DAB1: variants seen among roughly 807,000 people sequenced by gnomAD.
DAB1 encodes disabled homolog 1.
Under a neutral mutation model 64.6 loss-of-function variants are expected in DAB1, and 15 were observed. The observed-to-expected ratio is 0.23, with a 90% CI of 0.16 to 0.36. The LOEUF is 0.36. DAB1 is among the 10% of genes least tolerant of loss of function. DAB1 has a pLI of 1.00. For synonymous variants in DAB1, 235 were observed against 251.9 expected (o/e 0.93, Z 0.64); for missense variants, 596 against 706.7 (o/e 0.84, Z 1.78).
intron 5 of DAB1, among the ~76,000 whole-genome samples, chr1:57,951,930 A>T (rs1163565636): frequency 6.6e-6 from 1 of 152,194 alleles, no homozygotes; most frequent in Non-Finnish European, 1.5e-5. Flanking sequence ...TTAAACTGGT[A>T]TTTGAAAGAT....
intron 6 of DAB1, among the ~76,000 whole-genome samples, chr1:57,731,088 A>T (rs1647392916): frequency 6.6e-6 from 1 of 152,250 alleles, no homozygotes; most frequent in Non-Finnish European, 1.5e-5. Flanking sequence ...GAGATAGATG[A>T]ATGGATAAAC....
chr1:57,814,361 C>A (rs187823244), intron 6 of DAB1, among the ~76,000 whole-genome samples: 1 of 152,274 alleles, frequency 6.6e-6, no homozygotes, highest in Admixed American at 6.5e-5. Context: ...AGGAAAACAG[C>A]AGCAGCAGGG....
intron 9 of DAB1, among the ~76,000 whole-genome samples, chr1:57,059,377 G>A (rs558327069): frequency 3.3e-5 from 5 of 152,168 alleles, no homozygotes; most frequent in Non-Finnish European, 5.9e-5. Context: ...AAACCAGGTG[G>A]AACCTAGAGT....
Position 57,274,021 on chromosome 1 carries a change from TG to T in DAB1, c.67+16942del, listed in dbSNP as rs1174357705. 2.0e-5 allele frequency among the ~76,000 whole-genome samples: 3 copies of T among 152,186 alleles called. No homozygotes were observed. The East Asian group carries it at 5.8e-4, about 29-fold the overall frequency. The stretch of plus-strand genomic sequence containing the variant: ...TCTGAAATGTACCAACCTCGGCATT[TG>T]GCTTCAGAAGGATTTTAGAGATGAT... On this transcript the variant is annotated intron_variant, in intron 2 of 14. Transcript: ENST00000371236.
chr1:57,197,355 A>AAAAAAAG (rs1664712900), intron 2 of DAB1, among the ~76,000 whole-genome samples: 1 of 149,860 alleles, frequency 6.7e-6, no homozygotes, highest in Non-Finnish European at 1.5e-5. Context: ...AAAAAAAAAA[A>AAAAAAAG]AAAGAAAGAA....
At chr1:58,053,704 G>C (rs1430807482) in intron 5 of DAB1, among the ~76,000 whole-genome samples, 1 of 152,170 alleles carries the variant, frequency 6.6e-6, no homozygotes, top group Admixed American at 6.5e-5. Flanking sequence ...ATATATGAAA[G>C]TAGGTGCCAC....
intron 3 of DAB1, chr1:58,467,923 GT>G (rs1358681966): frequency 6.7e-6 from 1 of 149,358 alleles, no homozygotes; most frequent in African/African-American, 2.4e-5. Flanking sequence ...TGGTTTTTTT[GT>G]TTGTTTGTTT....
At chr1:58,015,872 A>C (rs1040928294) in intron 5 of DAB1, among the ~76,000 whole-genome samples, 16 of 152,144 alleles carry the variant, frequency 1.1e-4, no homozygotes, top group African/African-American at 3.9e-4. Flanking sequence ...ATACAAACGG[A>C]AGCTGGGAGG....
At position 57,077,140 on chromosome 1, in the gene DAB1, G is replaced by A. The variant is rs529561794; in HGVS notation, c.307-4726C>T. Among the ~76,000 whole-genome samples, 24 of 152,290 alleles carry A rather than the reference G, an allele frequency of 1.6e-4. No homozygotes were observed. In the East Asian group the frequency reaches 4.1e-3, roughly 26 times the overall value. ...GGGTGACCTTGAATTGAGGCTCCAAGGATAGATGGGAAGTCTCCAGAAAAT... is the reference window on the plus strand; with the variant it reads ...GGGTGACCTTGAATTGAGGCTCCAAAGATAGATGGGAAGTCTCCAGAAAAT... On this transcript the variant is annotated intron_variant, in intron 4 of 14. Coordinates refer to ENST00000371236, the MANE Select transcript of DAB1 (RefSeq NM_001365792.1).
chr1:58,385,660 A>G (rs148726300), intron 3 of DAB1, among the ~76,000 whole-genome samples: 3 of 152,346 alleles, frequency 2.0e-5, no homozygotes, highest in East Asian at 3.9e-4. Context: ...TTTATCATTC[A>G]TTTTTAAACA....
At chr1:58,491,473 T>C (rs536495410) in intron 3 of DAB1, among the ~76,000 whole-genome samples, 76 of 152,124 alleles carry the variant, frequency 5.0e-4, no homozygotes, top group Admixed American at 3.7e-3. Context: ...GACTGGCAAA[T>C]TGGATAAAGA....
chr1:58,419,655 C>T (rs1030636705), intron 3 of DAB1, among the ~76,000 whole-genome samples: 1 of 152,180 alleles, frequency 6.6e-6, no homozygotes, highest in African/African-American at 2.4e-5. Context: ...ACCAGCTTCC[C>T]CGTAGGTGTA....
chr1:57,072,406 C>T lies in DAB1; in HGVS notation c.315G>A (p.Gln105=), dbSNP rs989166403. ...ATATTTCATGAACAGCATGATGATG[C>T]TGAAGGGCCTATCAGAGAAAAAAAA... ...KIFDEKTGAL[Q]HHHAVHEISY... is the part of the protein sequence containing the mutation. The change falls in exon 5 of 15, where the codon CAG becomes CAA. Residue 105 remains glutamine, a synonymous_variant. Coordinates refer to ENST00000371236, the MANE Select transcript of DAB1 (RefSeq NM_001365792.1). 6.2e-7 allele frequency: 1 copy of T among 1,612,750 alleles called. No individual in the cohort carries two copies.
chr1:58,499,800 A>AAGGG (rs1193241372), intron 3 of DAB1, among the ~76,000 whole-genome samples: 1 of 152,044 alleles, frequency 6.6e-6, no homozygotes, highest in African/African-American at 2.4e-5. Context: ...GTAAATAAAA[A>AAGGG]ATAAACACTT....
chr1:57,011,432 C>T (rs373157400), intron 12 of DAB1, among the ~76,000 whole-genome samples, 160 bp from the exon 13 acceptor site: 30 of 152,166 alleles, frequency 2.0e-4, no homozygotes, highest in Admixed American at 2.6e-4. Context: ...TCTCTCTGTA[C>T]GTATTGATCT....
chr1:57,945,431 A>G lies in DAB1; in HGVS notation n.388-61269T>C, dbSNP rs1645170471. 3.9e-5 allele frequency among the ~76,000 whole-genome samples: 4 copies of G among 103,480 alleles called. No homozygotes were observed. The South Asian group carries it at 7.9e-4, about 20-fold the overall frequency. 67.9% of individuals were successfully genotyped at this position (103,480 alleles called of 152,430 possible). A position where few individuals can be genotyped will look rare whatever the true frequency, so the allele number is the denominator to read the frequency against. On this transcript the variant is annotated intron_variant and non_coding_transcript_variant, in intron 5 of 20. Coordinates refer to the DAB1 transcript ENST00000485760. ...TATACCACCACACTTGCTAATTGTT[A>G]TTATTATTATTATTATTATTATTAT... is the stretch of plus-strand genomic sequence containing the variant.
chr1:57,257,248 C>A (rs1669833809), intron 2 of DAB1, among the ~76,000 whole-genome samples: 1 of 152,176 alleles, frequency 6.6e-6, no homozygotes, highest in South Asian at 2.1e-4. Flanking sequence ...ATGGTTGTAT[C>A]TCCTGCAAAC....
chr1:58,546,167 C>T (rs1243170422), intron 1 of DAB1, among the ~76,000 whole-genome samples: 2 of 152,236 alleles, frequency 1.3e-5, no homozygotes, highest in Non-Finnish European at 2.9e-5. Context: ...ACTGCTTAGA[C>T]GGGGAATGTT....
At chr1:57,115,300 A>G (rs1263765923) in intron 4 of DAB1, among the ~76,000 whole-genome samples, 1 of 152,210 alleles carries the variant, frequency 6.6e-6, no homozygotes, top group Non-Finnish European at 1.5e-5. Context: ...GGTTTCTCAT[A>G]TATTAAATCA....
Sources: allele counts gnomAD v4.1 joint callset (sites outside exome capture counted in the v4.1 genomes callset), GRCh38; gene constraint gnomAD v4.1.1; transcripts MANE v1.5; gene names NCBI Gene and HGNC (gene_info 2026-07-23, HGNC 2026-07-21).